Variants in MIB1 observed in about 807,000 individuals in gnomAD.
The protein encoded by MIB1 is E3 ubiquitin-protein ligase MIB1.
A neutral mutation model predicts 124.5 loss-of-function variants in MIB1; 278 were observed. The ratio of observed to expected loss-of-function variants is 2.23; its 90% confidence interval spans 2.02 to 2.47. The LOEUF (loss-of-function observed/expected upper bound fraction) is 2.47. Ranked by LOEUF, MIB1 falls within the 30% of genes most tolerant of loss-of-function variation. The pLI is 0.00. For synonymous variants in MIB1, 446 were observed against 429.4 expected (o/e 1.04, Z -0.48); for missense variants, 957 against 1,254.4 (o/e 0.76, Z 3.58).
At chr18:21,735,994 A>C (rs1022237189), upstream of MIB1, among the ~76,000 whole-genome samples, 1 of 152,258 alleles carries the variant, frequency 6.6e-6, no homozygotes, top group Non-Finnish European at 1.5e-5. Context: ...TGAAGAGAGC[A>C]GTGGATCTCC....
chr18:21,708,840 AGTGTGGT>A (rs1399944540), intron 1 of MIB1, among the ~76,000 whole-genome samples: 1 of 152,212 alleles, frequency 6.6e-6, no homozygotes, highest in African/African-American at 2.4e-5. Context: ...CATTACAAAA[AGTGTGGT>A]GTCTGGGGAT....
chr18:21,749,519 A>T (rs1006483046), intron 1 of MIB1, among the ~76,000 whole-genome samples: 11 of 152,200 alleles, frequency 7.2e-5, no homozygotes, highest in Admixed American at 6.5e-4. Context: ...TCTGTTATAA[A>T]TGACATGGCT....
chr18:21,797,650 A>G (rs1026730355), intron 7 of MIB1, among the ~76,000 whole-genome samples: 3 of 152,122 alleles, frequency 2.0e-5, no homozygotes, highest in Non-Finnish European at 4.4e-5. Flanking sequence ...TTAAACATAG[A>G]TGTAAGCTTG....
rs1015463047 is a variant in MIB1 at position 21,858,528 on chromosome 18, T to G, written c.2780-18T>G. The G allele has an allele frequency of 1.8e-5, 21 of 1,147,038 alleles. No individual in the cohort carries two copies. In the East Asian group the frequency reaches 5.0e-4, roughly 27 times the overall value. The allele number at this position is 1,147,038 out of a possible 1,614,324, so 71.1% of individuals were successfully genotyped here. A position where few individuals can be genotyped will look rare whatever the true frequency, so the allele number is the denominator to read the frequency against. On this transcript the variant is annotated intron_variant, in intron 19 of 20. Coordinates refer to ENST00000261537, the MANE Select transcript of MIB1 (RefSeq NM_020774.4). Reference sequence around the variant, plus strand: ...CAAAGCAATAATAACTGAAAATCTTTTTAAATCTATATTATAGCAAGTGGG... The same window carrying G: ...CAAAGCAATAATAACTGAAAATCTTGTTAAATCTATATTATAGCAAGTGGG...
chr18:21,785,508 A>G (rs1371574754), intron 6 of MIB1, among the ~76,000 whole-genome samples: 2 of 152,190 alleles, frequency 1.3e-5, no homozygotes, highest in African/African-American at 4.8e-5. Context: ...AAAAGACTCT[A>G]CACTTTTTAA....
chr18:21,784,967 A>G (rs1036484852), intron 6 of MIB1, among the ~76,000 whole-genome samples: 1 of 152,084 alleles, frequency 6.6e-6, no homozygotes, highest in African/African-American at 2.4e-5. Context: ...GTCCACTTTC[A>G]TGTTTCGCCC....
chr18:21,724,703 T>C (rs2040729653), intron 1 of MIB1, among the ~76,000 whole-genome samples: 1 of 78,316 alleles, frequency 1.3e-5, no homozygotes, highest in Non-Finnish European at 2.2e-5. Context: ...AAACTCTGTC[T>C]CCCCCATCCA....
intron 12 of MIB1, chr18:21,831,157 A>T (rs114481242): frequency 2.6e-5 from 4 of 151,104 alleles, no homozygotes; most frequent in Non-Finnish European, 4.4e-5. Flanking sequence ...ACTCCCCCCA[A>T]ATAACTGTAA....
At chr18:21,727,919 C>T (rs1352795582) in intron 1 of MIB1, among the ~76,000 whole-genome samples, 5 of 152,198 alleles carry the variant, frequency 3.3e-5, no homozygotes, top group Admixed American at 2.0e-4. Context: ...TCAGGTTAGA[C>T]TAAAGCCATG....
chr18:21,772,077 A>G (rs575804559), intron 3 of MIB1, among the ~76,000 whole-genome samples: 1 of 152,248 alleles, frequency 6.6e-6, no homozygotes. Flanking sequence ...CTAACAATTT[A>G]AAATATGTTT....
At chr18:21,728,180 A>G (rs1204034701) in intron 1 of MIB1, among the ~76,000 whole-genome samples, 1 of 152,168 alleles carries the variant, frequency 6.6e-6, no homozygotes, top group Non-Finnish European at 1.5e-5. Context: ...AAATAAAGTT[A>G]AGTCTTTCTT....
intron 1 of MIB1, among the ~76,000 whole-genome samples, chr18:21,755,926 G>A (rs541357416): frequency 1.4e-4 from 22 of 152,320 alleles, no homozygotes; most frequent in Admixed American, 1.3e-3. Context: ...AAGAAATGGA[G>A]CAGAGACTTT....
At chr18:21,739,676 A>T (rs28515504), upstream of MIB1, among the ~76,000 whole-genome samples, 963 of 152,224 alleles carry the variant, frequency 6.3e-3, 7 homozygotes, top group African/African-American at 0.022. Flanking sequence ...CAGGAGTTCG[A>T]GACCAGTCCG....
Position 21,782,453 on chromosome 18 carries a change from A to G in MIB1, c.908+2768A>G, listed in dbSNP as rs373753212. Among the ~76,000 whole-genome samples, 20 of 152,298 alleles carry G rather than the reference A, an allele frequency of 1.3e-4. No homozygotes were observed. The East Asian group carries it at 2.3e-3, about 18-fold the overall frequency. On this transcript the variant is annotated intron_variant, in intron 6 of 20. Coordinates refer to ENST00000261537, the MANE Select transcript of MIB1 (RefSeq NM_020774.4). ...TTATTGATCAGGTGTTTATTGCTATAGATATCCCTCTTACTACTGCTTTTT... is the reference window on the plus strand; with the variant it reads ...TTATTGATCAGGTGTTTATTGCTATGGATATCCCTCTTACTACTGCTTTTT...
chr18:21,711,437 A>G (rs2040665142), intron 1 of MIB1, among the ~76,000 whole-genome samples: 1 of 151,676 alleles, frequency 6.6e-6, no homozygotes, highest in African/African-American at 2.4e-5. Flanking sequence ...GCCTGCCACT[A>G]CGCCCGGCTA....
chr18:21,743,687 T>C (rs1449834412), intron 1 of MIB1, among the ~76,000 whole-genome samples: 4 of 152,328 alleles, frequency 2.6e-5, no homozygotes, highest in South Asian at 2.1e-4. Flanking sequence ...TGAAGTTTTG[T>C]TGTCGTGCTA....
rs542516924 is a variant in MIB1, at chr18:21,743,178, G to GT, written c.229+1372dup. Among the ~76,000 whole-genome samples the GT allele has an allele frequency of 2.7e-4, 41 of 152,330 alleles. No individual in the cohort carries two copies. The South Asian group carries it at 8.3e-3, about 31-fold the overall frequency. ...CAAAAAGGGGCAGCCATTGTTACCA[G>GT]TTTTTTGTGTAGTCTTGCAGAATAC... On this transcript the variant is annotated intron_variant, in intron 1 of 20. Coordinates refer to ENST00000261537, the MANE Select transcript of MIB1 (RefSeq NM_020774.4).
Position 21,741,471 on chromosome 18 carries a change from T to A in MIB1, c.-113T>A. On this transcript the variant is annotated 5_prime_UTR_variant, in exon 1 of 21. Transcript: ENST00000261537. The surrounding 1 kb of genome is among the most constrained non-coding windows in gnomAD (Gnocchi z 5.4). ...TATTCTCACGTCCCCCGGGGCTCGC[T>A]GCCGCCCCCGCCGACGCCTAGAGTC... The A allele has an allele frequency of 1.1e-5, 6 of 545,006 alleles. No individual in the cohort carries two copies. Among genetic ancestry groups the A allele is most frequent in the African/African-American group, 2.0e-5 (1 of 49,204 alleles). The allele number at this position is 545,006 out of a possible 1,614,324, so 33.8% of individuals were successfully genotyped here.
chr18:21,742,484 T>C (rs943535917), intron 1 of MIB1, among the ~76,000 whole-genome samples: 2 of 152,168 alleles, frequency 1.3e-5, no homozygotes, highest in African/African-American at 4.8e-5. Context: ...GGGGGACACC[T>C]GATGTTATTT....
Sources: gnomAD v4.1 joint callset for allele counts (sites outside exome capture counted in the v4.1 genomes callset) on GRCh38, gnomAD v4.1.1 for gene constraint, Gnocchi (gnomAD v3.1) non-coding constraint, MANE v1.5 for transcripts, NCBI Gene and HGNC (gene_info 2026-07-23, HGNC 2026-07-21) for gene names.